Variants in TMEM232 observed in about 807,000 individuals in gnomAD.
The protein encoded by TMEM232 is transmembrane protein 232.
In TMEM232, 80 loss-of-function variants were observed where a neutral mutation model predicts 78.8. The observed-to-expected ratio is 1.01, with a 90% CI of 0.85 to 1.22. The LOEUF is 1.22. TMEM232 is among the 50% of genes most tolerant of loss of function. TMEM232 has a pLI of 0.00. For missense variants in TMEM232, 881 were observed against 742.2 expected (o/e 1.19, Z -2.17); for synonymous variants, 297 against 254.3 (o/e 1.17, Z -1.60).
chr5:110,640,639 T>C (rs1786547475), intron 4 of TMEM232, among the ~76,000 whole-genome samples: 1 of 152,162 alleles, frequency 6.6e-6, no homozygotes, highest in South Asian at 2.1e-4. Flanking sequence ...TTTAATTAGT[T>C]GCTAATTTTG....
intron 12 of TMEM232, among the ~76,000 whole-genome samples, chr5:110,428,121 T>C (rs1246636849): frequency 1.3e-5 from 2 of 151,814 alleles, no homozygotes; most frequent in African/African-American, 2.4e-5. Flanking sequence ...TAACCATTCC[T>C]ACCTTTCCCC....
At chr5:110,604,341 G>T (rs1260406271) in intron 10 of TMEM232, among the ~76,000 whole-genome samples, 1 of 152,042 alleles carries the variant, frequency 6.6e-6, no homozygotes, top group African/African-American at 2.4e-5. Flanking sequence ...GTAGCAAAAT[G>T]ACCTTTAGTC....
At chr5:110,573,533 A>C (rs890056194) in intron 10 of TMEM232, among the ~76,000 whole-genome samples, 17 of 152,106 alleles carry the variant, frequency 1.1e-4, no homozygotes, top group African/African-American at 3.6e-4. Context: ...TGTTCTCTGT[A>C]CTAAAGAAAA....
upstream of TMEM232, chr5:110,738,695 A>G (rs969307980): frequency 4.4e-6 from 1 of 228,822 alleles, no homozygotes; most frequent in South Asian, 5.4e-5. Flanking sequence ...TAGCTGTGAC[A>G]TGGGGTATTT....
intron 1 of TMEM232, among the ~76,000 whole-genome samples, chr5:110,694,400 C>T (rs373410073): frequency 6.6e-5 from 10 of 152,190 alleles, no homozygotes; most frequent in South Asian, 2.1e-4. Context: ...CATCAACTAA[C>T]GAGCAAAATG....
intron 5 of TMEM232, among the ~76,000 whole-genome samples, chr5:110,631,654 C>G (rs1348480882): frequency 6.6e-6 from 1 of 152,178 alleles, no homozygotes; most frequent in Non-Finnish European, 1.5e-5. Flanking sequence ...TGATCAAGCT[C>G]ATGTGCAAAG....
chr5:110,618,874 T>C (rs1252640432), intron 7 of TMEM232, among the ~76,000 whole-genome samples: 1 of 152,206 alleles, frequency 6.6e-6, no homozygotes, highest in African/African-American at 2.4e-5. Flanking sequence ...GTAGATTCTA[T>C]GTGACTTAGT....
At chr5:110,467,103 G>T (rs1418673039) in intron 12 of TMEM232, among the ~76,000 whole-genome samples, 6 of 151,764 alleles carry the variant, frequency 4.0e-5, no homozygotes, top group Admixed American at 3.9e-4. Context: ...GAAGATGGAC[G>T]GCAGACCAAT....
chr5:110,717,514 A>C (rs866146118), intron 1 of TMEM232, among the ~76,000 whole-genome samples: 6 of 152,130 alleles, frequency 3.9e-5, no homozygotes, highest in African/African-American at 1.4e-4. Context: ...AGATAGCAAA[A>C]CTGATGTGTC....
At chr5:110,691,746 C>T (rs1005922668) in intron 1 of TMEM232, among the ~76,000 whole-genome samples, 4 of 152,208 alleles carry the variant, frequency 2.6e-5, no homozygotes, top group African/African-American at 9.7e-5. Flanking sequence ...TTTTACCCTA[C>T]ATACCGTAAC....
upstream of TMEM232, among the ~76,000 whole-genome samples, chr5:110,727,536 G>C (rs553616890): frequency 5.3e-5 from 8 of 152,240 alleles, no homozygotes; most frequent in East Asian, 1.4e-3. Context: ...TTGAACCCAG[G>C]AGATGGAGGT....
intron 12 of TMEM232, among the ~76,000 whole-genome samples, chr5:110,492,084 G>A (rs1476615588): frequency 8.6e-5 from 13 of 151,694 alleles, no homozygotes; most frequent in Admixed American, 8.6e-4. Flanking sequence ...AAAACCTTGA[G>A]AGAATAATAC....
chr5:110,723,709 C>T (rs1561572383), intron 1 of TMEM232, among the ~76,000 whole-genome samples: 1 of 152,168 alleles, frequency 6.6e-6, no homozygotes, highest in African/African-American at 2.4e-5. Flanking sequence ...TAAAGCAACC[C>T]TAATTTTGTT....
chr5:110,607,565 T>C (rs954881419), intron 8 of TMEM232, among the ~76,000 whole-genome samples: 18 of 152,026 alleles, frequency 1.2e-4, no homozygotes, highest in African/African-American at 4.3e-4. Flanking sequence ...AGTGTATACA[T>C]TTGCCCAAGG....
chr5:110,511,001 T>C (rs1239109618), intron 12 of TMEM232, among the ~76,000 whole-genome samples: 1 of 152,148 alleles, frequency 6.6e-6, no homozygotes, highest in Admixed American at 6.5e-5. Context: ...ACGTGTATGT[T>C]TATTGCAGCA....
chr5:110,704,534 G>A lies in TMEM232; in HGVS notation c.-13+22093C>T, dbSNP rs551532537. ...TTTGTTTTTGTATTTTTGTTATGAT[G>A]ACTGAATGTCTGGTAATTCCCCCTG... On this transcript the variant is annotated intron_variant, in intron 1 of 13. Coordinates refer to ENST00000455884, the MANE Select transcript of TMEM232 (RefSeq NM_001039763.4). Among the ~76,000 whole-genome samples the A allele has an allele frequency of 3.6e-4, 54 of 152,094 alleles. 1 individual carries two copies. In the South Asian group the frequency reaches 0.01, roughly 29 times the overall value.
intron 2 of TMEM232, among the ~76,000 whole-genome samples, chr5:110,655,227 C>G (rs1264880312): frequency 2.0e-5 from 3 of 151,810 alleles, no homozygotes; most frequent in Non-Finnish European, 4.4e-5. Flanking sequence ...CAAACAACCC[C>G]ATCAAAAAGT....
chr5:110,529,071 AT>A (rs760282936), intron 11 of TMEM232, among the ~76,000 whole-genome samples: 4 of 152,184 alleles, frequency 2.6e-5, no homozygotes, highest in Non-Finnish European at 5.9e-5. Flanking sequence ...AATTTTGAAA[AT>A]TTAGTTAGGT....
chr5:110,543,381 C>A (rs779543309), intron 11 of TMEM232, among the ~76,000 whole-genome samples: 1 of 152,150 alleles, frequency 6.6e-6, no homozygotes, highest in Non-Finnish European at 1.5e-5. Flanking sequence ...TCTCAAATTT[C>A]AGTCAAATGT....
Sources: gnomAD v4.1 joint callset for allele counts (sites outside exome capture counted in the v4.1 genomes callset) on GRCh38, gnomAD v4.1.1 for gene constraint, MANE v1.5 for transcripts, NCBI Gene and HGNC (gene_info 2026-07-23, HGNC 2026-07-21) for gene names.